ANO4: variants seen among roughly 807,000 people sequenced by gnomAD.
The protein encoded by ANO4 is anoctamin 4, also known as anoctamin-4.
ANO4 carries 69 observed loss-of-function variants against 141.9 expected under a neutral mutation model. The ratio of observed to expected loss-of-function variants is 0.49; its 90% CI spans 0.40 to 0.59. ANO4 has a LOEUF of 0.59. ANO4 is among the 20% of genes least tolerant of loss of function. ANO4 has a pLI of 0.00. For missense variants in ANO4, 894 were observed against 1,162.2 expected (o/e 0.77, Z 3.36); for synonymous variants, 350 against 394.3 (o/e 0.89, Z 1.33).
intron 3 of ANO4, among the ~76,000 whole-genome samples, chr12:100,770,107 T>C (rs2033233121): frequency 6.6e-6 from 1 of 152,226 alleles, no homozygotes; most frequent in Non-Finnish European, 1.5e-5. Context: ...TGTAACACCG[T>C]GTTTTCCCTT....
intron 2 of ANO4, among the ~76,000 whole-genome samples, chr12:100,914,577 G>A (rs938604894): frequency 1.3e-5 from 2 of 152,044 alleles, no homozygotes; most frequent in Admixed American, 6.6e-5. Context: ...AGCTTTTTTA[G>A]TTTATGCCAC....
chr12:100,894,417 A>G (rs1042388965), intron 1 of ANO4, among the ~76,000 whole-genome samples: 3 of 152,070 alleles, frequency 2.0e-5, no homozygotes, highest in Admixed American at 6.5e-5. Flanking sequence ...GTTAGAACTC[A>G]TACTACTCTC....
At chr12:101,064,974 TG>T (rs1376777043) in intron 14 of ANO4, among the ~76,000 whole-genome samples, 1 of 152,186 alleles carries the variant, frequency 6.6e-6, no homozygotes, top group African/African-American at 2.4e-5. Flanking sequence ...ATACTGCCAC[TG>T]TATCACAGTA....
chr12:100,924,579 T>C (rs552812424), intron 3 of ANO4, among the ~76,000 whole-genome samples: 77 of 152,248 alleles, frequency 5.1e-4, no homozygotes, highest in Non-Finnish European at 1.0e-3. Context: ...ACAATCCCTT[T>C]ATATTACATT....
chr12:100,970,554 G>T (rs1230909582), intron 5 of ANO4, among the ~76,000 whole-genome samples: 1 of 152,076 alleles, frequency 6.6e-6, no homozygotes, highest in Non-Finnish European at 1.5e-5. Context: ...CCCTTGTCCA[G>T]ATGAGTATGT....
intron 3 of ANO4, among the ~76,000 whole-genome samples, chr12:100,763,750 A>T (rs945655477): frequency 6.6e-6 from 1 of 152,212 alleles, no homozygotes; most frequent in African/African-American, 2.4e-5. Context: ...GCCACCACTT[A>T]TAACCCCATT....
intron 5 of ANO4, among the ~76,000 whole-genome samples, chr12:100,949,224 T>G (rs777118119): frequency 1.3e-5 from 2 of 152,228 alleles, no homozygotes; most frequent in African/African-American, 2.4e-5. Flanking sequence ...AGCTCAGCTG[T>G]GCCTGACTTC....
intron 2 of ANO4, among the ~76,000 whole-genome samples, chr12:100,735,474 G>A (rs532215135): frequency 2.0e-4 from 30 of 152,130 alleles, no homozygotes; most frequent in African/African-American, 7.2e-4. Context: ...CAGTAGGGGG[G>A]TGACAAGACA....
intron 2 of ANO4, among the ~76,000 whole-genome samples, chr12:100,903,386 T>C: frequency 6.6e-6 from 1 of 152,164 alleles, no homozygotes; most frequent in East Asian, 1.9e-4. Context: ...ACGTACCAAA[T>C]CCAGAATGAT....
chr12:100,936,741 C>T (rs1267743023), intron 3 of ANO4, among the ~76,000 whole-genome samples: 3 of 152,138 alleles, frequency 2.0e-5, no homozygotes, highest in Non-Finnish European at 2.9e-5. Flanking sequence ...CCAAAATACT[C>T]ACTTTAAGCT....
intron 3 of ANO4, among the ~76,000 whole-genome samples, chr12:100,746,484 G>A (rs1001963466): frequency 1.4e-5 from 2 of 142,008 alleles, no homozygotes; most frequent in African/African-American, 5.0e-5. Context: ...TAGAAGAAAC[G>A]ATGAAATAAT....
chr12:101,003,509 G>T (rs2045739293), intron 8 of ANO4, among the ~76,000 whole-genome samples: 1 of 152,212 alleles, frequency 6.6e-6, no homozygotes, highest in Non-Finnish European at 1.5e-5. Context: ...GTAATGAGTA[G>T]AGATATATTT....
At chr12:101,059,973 G>A (rs1408967131) in intron 14 of ANO4, among the ~76,000 whole-genome samples, 1 of 152,114 alleles carries the variant, frequency 6.6e-6, no homozygotes, top group Non-Finnish European at 1.5e-5. Flanking sequence ...TGTGATGTTA[G>A]GATGTCAATT....
At chr12:101,075,054 C>T (rs930551331) in intron 14 of ANO4, among the ~76,000 whole-genome samples, 1 of 152,008 alleles carries the variant, frequency 6.6e-6, no homozygotes. Flanking sequence ...TAGCGCTGAC[C>T]TAGAGTTGTG....
At chr12:100,874,462 C>T (rs73163166) in intron 1 of ANO4, among the ~76,000 whole-genome samples, 16,591 of 152,124 alleles carry the variant, frequency 0.11, 1,074 homozygotes, top group Non-Finnish European at 0.15. Context: ...CATCAGGTGG[C>T]CAGGATATGA....
At chr12:100,773,179 C>T (rs1036280665) in intron 3 of ANO4, among the ~76,000 whole-genome samples, 8 of 152,186 alleles carry the variant, frequency 5.3e-5, no homozygotes, top group South Asian at 2.1e-4. Flanking sequence ...AGGGTGTCCT[C>T]ACATGGTAGA....
chr12:101,073,751 T>C (rs887126631), intron 14 of ANO4, among the ~76,000 whole-genome samples: 2 of 152,068 alleles, frequency 1.3e-5, no homozygotes, highest in Non-Finnish European at 2.9e-5. Context: ...CTACCCCTGA[T>C]CCTACCTTTA....
upstream of ANO4, chr12:100,717,517 C>T (rs1437207919): frequency 5.0e-6 from 2 of 399,000 alleles, no homozygotes; most frequent in Non-Finnish European, 8.9e-6. Flanking sequence ...GGGCAGGACG[C>T]GGGCCAGGAT....
At chr12:101,031,954 C>T (rs966009051) in intron 9 of ANO4, among the ~76,000 whole-genome samples, 1 of 152,168 alleles carries the variant, frequency 6.6e-6, no homozygotes, top group African/African-American at 2.4e-5. Context: ...AATGGAAAAA[C>T]ATTCCATCCT....
Sources: gnomAD v4.1 joint callset for allele counts (sites outside exome capture counted in the v4.1 genomes callset) on GRCh38, gnomAD v4.1.1 for gene constraint, MANE v1.5 for transcripts, NCBI Gene and HGNC (gene_info 2026-07-23, HGNC 2026-07-21) for gene names.